Variants in CNTLN observed in about 807,000 individuals in gnomAD.
The protein encoded by CNTLN is centlein, centrosomal protein.
In CNTLN, 212 loss-of-function variants were observed where a neutral mutation model predicts 180.0. The observed-to-expected ratio is 1.18, with a 90% confidence interval of 1.05 to 1.32. The LOEUF (loss-of-function observed/expected upper bound fraction) is 1.32, where lower values mean the gene tolerates loss of function less well. Among genes scored for constraint, CNTLN ranks in the 40% most tolerant of loss-of-function variants. The pLI, the probability that CNTLN is intolerant of heterozygous loss-of-function variation, is 0.00. For missense variants in CNTLN, 2,095 were observed against 1,610.9 expected, an observed-to-expected ratio of 1.30 and a Z score of -5.14; for synonymous variants, 722 against 563.1, an observed-to-expected ratio of 1.28 and a Z score of -3.99.
chr9:17,487,381 A>C (rs142575572), intron 25 of CNTLN, among the ~76,000 whole-genome samples: 195 of 152,230 alleles, frequency 1.3e-3, no homozygotes, highest in African/African-American at 4.3e-3. Context: ...GAGATTCTTT[A>C]TTATGTGTCT....
intron 7 of CNTLN, among the ~76,000 whole-genome samples, chr9:17,302,520 G>A (rs750525278): frequency 1.3e-5 from 2 of 151,958 alleles, no homozygotes; most frequent in South Asian, 2.1e-4. Flanking sequence ...TAATTAGTTC[G>A]TACATAACAT....
intron 2 of CNTLN, among the ~76,000 whole-genome samples, chr9:17,187,103 G>A (rs1179198624): frequency 6.6e-6 from 1 of 151,958 alleles, no homozygotes; most frequent in Non-Finnish European, 1.5e-5. Flanking sequence ...GTCATAAGAT[G>A]GAATGAGCGC....
intron 20 of CNTLN, among the ~76,000 whole-genome samples, chr9:17,463,984 ATTTTATAC>A (rs1314268068): frequency 5.9e-5 from 9 of 151,526 alleles, no homozygotes; most frequent in African/African-American, 1.9e-4. Context: ...AGCATCTACC[ATTTTATAC>A]TTAATAGTTC....
At chr9:17,422,076 C>T (rs867879974) in intron 18 of CNTLN, among the ~76,000 whole-genome samples, 42 of 152,140 alleles carry the variant, frequency 2.8e-4, no homozygotes, top group African/African-American at 8.7e-4. Flanking sequence ...TAGGACAGAT[C>T]TGGTGTTGGC....
intron 2 of CNTLN, chr9:17,167,650 G>T (rs569603572): frequency 6.6e-6 from 1 of 152,304 alleles, no homozygotes; most frequent in Non-Finnish European, 1.5e-5. Flanking sequence ...TATAGCATGT[G>T]TATCTTCACG....
At chr9:17,236,368 G>A (rs746108307) in intron 4 of CNTLN, 41 bp from the exon 5 acceptor site, 211 of 1,497,058 alleles carry the variant, frequency 1.4e-4, no homozygotes, top group Non-Finnish European at 1.8e-4. Flanking sequence ...TTTTTGTTTC[G>A]TTTTGTTTTA....
chr9:17,482,288 A>G (rs1832690684), intron 23 of CNTLN, among the ~76,000 whole-genome samples: 1 of 152,190 alleles, frequency 6.6e-6, no homozygotes, highest in African/African-American at 2.4e-5. Context: ...AGATAAAGTT[A>G]TCAGTCTTTG....
At position 17,332,705 on chromosome 9, in the gene CNTLN, A is replaced by G; in HGVS notation, c.1619A>G (p.Asn540Ser). Residue 540 changes from asparagine (N) to serine (S), a missense_variant, in exon 10 of 26, where the codon AAC becomes AGC. Asn to Ser is a conservative substitution (Grantham distance 46). Coordinates refer to ENST00000380647, the MANE Select transcript of CNTLN (RefSeq NM_017738.4). ...AGAAAAGCTGAAAGAAAGATTGAAA[A>G]CTTAGAGAAGGCACTACAACTAAAG... ...KLRKAERKIE[N>S]LEKALQLKSQ... is the part of the protein sequence containing the mutation. The G allele has an allele frequency of 6.2e-7, 1 of 1,604,900 alleles. No individual in the cohort carries two copies. The highest frequency in any genetic ancestry group is 8.5e-7 in the Non-Finnish European group (1 of 1,176,678).
At chr9:17,362,076 A>G (rs559519806) in intron 12 of CNTLN, among the ~76,000 whole-genome samples, 2 of 152,316 alleles carry the variant, frequency 1.3e-5, no homozygotes, top group African/African-American at 2.4e-5. Flanking sequence ...ATGTCTGTAA[A>G]TATTTATTAA....
intron 12 of CNTLN, among the ~76,000 whole-genome samples, chr9:17,364,524 A>C (rs1260352145): frequency 6.6e-6 from 1 of 151,976 alleles, no homozygotes; most frequent in Non-Finnish European, 1.5e-5. Context: ...TATGTTTATC[A>C]CTTCTTTATC....
chr9:17,162,049 C>T (rs1181666291), intron 2 of CNTLN, among the ~76,000 whole-genome samples: 1 of 152,136 alleles, frequency 6.6e-6, no homozygotes, highest in East Asian at 1.9e-4. Flanking sequence ...GGAGAATGTG[C>T]CAGAATGTAT....
chr9:17,494,279 T>A (rs1221686692), intron 25 of CNTLN, among the ~76,000 whole-genome samples: 3 of 152,208 alleles, frequency 2.0e-5, no homozygotes, highest in African/African-American at 7.2e-5. Flanking sequence ...GTAAATACAG[T>A]CATCACTGCA....
chr9:17,347,347 A>G lies in CNTLN; in HGVS notation c.1886+4903A>G, dbSNP rs191360102. The stretch of plus-strand genomic sequence containing the variant: ...ACCTACCTTGGGTTATGTCCGGATA[A>G]ATCCATCATAAGTTGAAAATATCGT... On this transcript the variant is annotated intron_variant, in intron 12 of 25. Transcript: ENST00000380647. Among the ~76,000 whole-genome samples the G allele has an allele frequency of 2.0e-5, 3 of 152,322 alleles. No individual in the cohort carries two copies. In the East Asian group the frequency reaches 5.8e-4, roughly 29 times the overall value.
chr9:17,422,363 T>C (rs1328196861), intron 18 of CNTLN, among the ~76,000 whole-genome samples: 2 of 152,150 alleles, frequency 1.3e-5, no homozygotes, highest in Non-Finnish European at 2.9e-5. Flanking sequence ...GGTAGTCTTC[T>C]TTGGGTTAAA....
chr9:17,194,901 CG>C (rs1822028689), intron 2 of CNTLN, among the ~76,000 whole-genome samples: 1 of 152,066 alleles, frequency 6.6e-6, no homozygotes, highest in Non-Finnish European at 1.5e-5. Flanking sequence ...TATGTGGCAG[CG>C]ACGAGAAAAT....
At chr9:17,455,655 C>T (rs2134144482) in intron 18 of CNTLN, among the ~76,000 whole-genome samples, 1 of 152,162 alleles carries the variant, frequency 6.6e-6, no homozygotes, top group South Asian at 2.1e-4. Context: ...AAAGATGAGA[C>T]AGATTTCAGC....
rs751785999 is a variant in CNTLN at position 17,464,615 on chromosome 9, G to A, written c.3523G>A (p.Asp1175Asn). The A allele has an allele frequency of 6.8e-7, 1 of 1,460,496 alleles. No individual in the cohort carries two copies. Among genetic ancestry groups the A allele is most frequent in the South Asian group, 1.3e-5 (1 of 74,290 alleles). The allele number at this position is 1,460,496 out of a possible 1,614,324, so 90.5% of individuals were successfully genotyped here. A position where few individuals can be genotyped will look rare whatever the true frequency, so the allele number is the denominator to read the frequency against. ...TTTTAGTGAAATGTTACAAAATCTTGATAAAAAGGTATCAATTTTTATCTT... is the reference window on the plus strand; with the variant it reads ...TTTTAGTGAAATGTTACAAAATCTTAATAAAAAGGTATCAATTTTTATCTT... Reference protein sequence around the residue: ...KSFSEMLQNLDKKVKTLTEEC... With the variant: ...KSFSEMLQNLNKKVKTLTEEC... The change falls in exon 21 of 26, where the codon GAT becomes AAT. Residue 1175 changes from aspartate to asparagine, a missense_variant. Asp to Asn is a conservative substitution (Grantham distance 23). Transcript: ENST00000380647.
chr9:17,476,488 A>C (rs1353404200), intron 23 of CNTLN, among the ~76,000 whole-genome samples: 2 of 152,320 alleles, frequency 1.3e-5, no homozygotes, highest in South Asian at 2.1e-4. Context: ...GGCCTTTTGC[A>C]CCAAACAGCC....
At chr9:17,415,319 A>T (rs1173952003) in intron 16 of CNTLN, among the ~76,000 whole-genome samples, 1 of 152,200 alleles carries the variant, frequency 6.6e-6, no homozygotes, top group East Asian at 1.9e-4. Context: ...AGCATATAAT[A>T]GAGTATTTGA....
Sources: allele counts gnomAD v4.1 joint callset (sites outside exome capture counted in the v4.1 genomes callset), GRCh38; gene constraint gnomAD v4.1.1; transcripts MANE v1.5; gene names NCBI Gene and HGNC (gene_info 2026-07-23, HGNC 2026-07-21).